Variants in NLGN1 observed in about 807,000 individuals in gnomAD.
The protein encoded by NLGN1 is neuroligin-1.
NLGN1 carries 12 observed loss-of-function variants against 65.5 expected under a neutral mutation model. The observed-to-expected ratio is 0.18, with a 90% CI of 0.12 to 0.30. The LOEUF is 0.30. NLGN1 is among the 10% of genes least tolerant of loss of function. The probability of loss-of-function intolerance (pLI) is 1.00; values close to 1 mark genes in which losing one functional copy is unlikely to be tolerated. For synonymous variants in NLGN1, 350 were observed against 359.5 expected (o/e 0.97, Z 0.30); for missense variants, 750 against 1,007.1 (o/e 0.74, Z 3.46).
At chr3:173,625,190 G>A (rs1754635179) in intron 3 of NLGN1, among the ~76,000 whole-genome samples, 1 of 152,082 alleles carries the variant, frequency 6.6e-6, no homozygotes, top group African/African-American at 2.4e-5. Context: ...CAGAAAAATG[G>A]GCAGATAAAG....
At chr3:174,160,263 T>C (rs1726236940) in intron 4 of NLGN1, among the ~76,000 whole-genome samples, 1 of 151,714 alleles carries the variant, frequency 6.6e-6, no homozygotes, top group African/African-American at 2.4e-5. Flanking sequence ...TTACATTCTA[T>C]CTCGTTTGGT....
intron 4 of NLGN1, among the ~76,000 whole-genome samples, chr3:173,878,050 T>A (rs1342952146): frequency 3.3e-5 from 5 of 152,042 alleles, no homozygotes; most frequent in Admixed American, 1.3e-4. Context: ...ATTTTTTTTT[T>A]AATCTTTTTG....
intron 2 of NLGN1, among the ~76,000 whole-genome samples, chr3:173,593,650 C>A (rs1326893806): frequency 6.6e-6 from 1 of 152,122 alleles, no homozygotes; most frequent in Non-Finnish European, 1.5e-5. Flanking sequence ...AGGCATTCTC[C>A]AGGAAGAACA....
intron 4 of NLGN1, among the ~76,000 whole-genome samples, chr3:174,142,046 C>T (rs1344154525): frequency 6.6e-6 from 1 of 152,112 alleles, no homozygotes; most frequent in Non-Finnish European, 1.5e-5. Context: ...CTACCCTCAC[C>T]TCTAGAAGTT....
rs71162356 is a variant in NLGN1 at position 173,734,381 on chromosome 3, A to ATTTTTTTTTTTTTTTTTTT, written c.494-73285_494-73267dup. Among the ~76,000 whole-genome samples, 40 of 40,080 alleles carry ATTTTTTTTTTTTTTTTTTT rather than the reference A, an allele frequency of 1.0e-3. 2 individuals carry two copies. The highest frequency in any genetic ancestry group is 1.3e-3 in the Non-Finnish European group (31 of 24,786). 26.3% of individuals were successfully genotyped at this position (40,080 alleles called of 152,430 possible). A position where few individuals can be genotyped will look rare whatever the true frequency, so the allele number is the denominator to read the frequency against. On this transcript the variant is annotated intron_variant, in intron 3 of 6. Transcript: ENST00000457714. ...ATAATTAGATTCTGTGGATAATTCT[A>ATTTTTTTTTTTTTTTTTTT]TTTTTTTTTTTTTTTTTTTTTTTTT...
intron 4 of NLGN1, among the ~76,000 whole-genome samples, chr3:174,165,183 A>G (rs1030431348): frequency 1.3e-5 from 2 of 151,590 alleles, no homozygotes; most frequent in African/African-American, 4.8e-5. Context: ...TATTATTTGA[A>G]TGCTTTTTCT....
chr3:173,992,561 A>G (rs1256539332), intron 4 of NLGN1, among the ~76,000 whole-genome samples: 1 of 152,208 alleles, frequency 6.6e-6, no homozygotes, highest in East Asian at 1.9e-4. Flanking sequence ...TAAATGTCCC[A>G]TGAAAGAATT....
chr3:174,120,890 G>A (rs933599824), intron 4 of NLGN1, among the ~76,000 whole-genome samples: 4 of 152,116 alleles, frequency 2.6e-5, no homozygotes, highest in Non-Finnish European at 2.9e-5. Flanking sequence ...CACTGCTCAC[G>A]ACTCTACTGG....
intron 4 of NLGN1, among the ~76,000 whole-genome samples, chr3:173,900,917 C>T (rs936505965): frequency 1.3e-5 from 2 of 151,934 alleles, no homozygotes; most frequent in African/African-American, 2.4e-5. Context: ...TATGAAATGA[C>T]GTTTTCAAGG....
chr3:174,165,085 A>G (rs9859892), intron 4 of NLGN1, among the ~76,000 whole-genome samples: 23,631 of 151,934 alleles, frequency 0.16, 3,583 homozygotes, highest in African/African-American at 0.4. Context: ...GTGTGTGTCT[A>G]TTGTAAATGG....
At chr3:173,711,241 G>T (rs1768921624) in intron 3 of NLGN1, among the ~76,000 whole-genome samples, 1 of 152,266 alleles carries the variant, frequency 6.6e-6, no homozygotes, top group African/African-American at 2.4e-5. Flanking sequence ...ATATTTCACA[G>T]ATATCTCACT....
chr3:173,974,437 A>G (rs1415597706), intron 4 of NLGN1, among the ~76,000 whole-genome samples: 2 of 152,154 alleles, frequency 1.3e-5, no homozygotes, highest in African/African-American at 4.8e-5. Context: ...ATAATTATTA[A>G]TCACTTACTA....
At chr3:173,611,964 A>G (rs1206587272) in intron 3 of NLGN1, among the ~76,000 whole-genome samples, 1 of 151,958 alleles carries the variant, frequency 6.6e-6, no homozygotes, top group Admixed American at 6.6e-5. Flanking sequence ...CTTTTCACAT[A>G]TATGGCATTC....
At chr3:174,259,015 C>T (rs1746334500) in intron 4 of NLGN1, among the ~76,000 whole-genome samples, 1 of 151,966 alleles carries the variant, frequency 6.6e-6, no homozygotes, top group South Asian at 2.1e-4. Context: ...CTAAATCAGT[C>T]AGAATAGCTT....
At chr3:173,447,304 C>A (rs1211674897) in intron 2 of NLGN1, among the ~76,000 whole-genome samples, 1 of 152,178 alleles carries the variant, frequency 6.6e-6, no homozygotes, top group Admixed American at 6.5e-5. Context: ...TTTCCCAGCA[C>A]CATTTATTAA....
intron 4 of NLGN1, among the ~76,000 whole-genome samples, chr3:174,017,499 T>C (rs1422940540): frequency 2.0e-5 from 3 of 152,156 alleles, no homozygotes; most frequent in Non-Finnish European, 2.9e-5. Context: ...TTAGAATTAA[T>C]TTATTGAGGT....
chr3:173,597,709 A>G (rs116084511), intron 2 of NLGN1, among the ~76,000 whole-genome samples: 1 of 149,242 alleles, frequency 6.7e-6, no homozygotes, highest in African/African-American at 2.4e-5. Context: ...TATATATTTA[A>G]TAAATATTTC....
intron 2 of NLGN1, among the ~76,000 whole-genome samples, chr3:173,557,152 T>A (rs544692793): frequency 1.3e-5 from 2 of 152,268 alleles, no homozygotes; most frequent in Admixed American, 1.3e-4. Context: ...TTATTAGGTA[T>A]ATACATATTC....
chr3:174,189,972 T>C (rs1732080598), intron 4 of NLGN1, among the ~76,000 whole-genome samples: 1 of 152,038 alleles, frequency 6.6e-6, no homozygotes, highest in African/African-American at 2.4e-5. Flanking sequence ...TCCAAGTTAT[T>C]AGGCTGGGAG....
Sources: allele counts gnomAD v4.1 joint callset (sites outside exome capture counted in the v4.1 genomes callset), GRCh38; gene constraint gnomAD v4.1.1; transcripts MANE v1.5; gene names NCBI Gene and HGNC (gene_info 2026-07-23, HGNC 2026-07-21).